The following CTNNA3 variants were observed in gnomAD, a reference collection of about 807,000 sequenced individuals.
CTNNA3 encodes the protein catenin alpha 3.
A neutral mutation model predicts 95.7 loss-of-function variants in CTNNA3; 76 were observed. That is an observed-to-expected ratio of 0.79 (90% CI 0.66 to 0.96). The LOEUF is 0.96. Ranked by LOEUF, CTNNA3 falls within the 40% of genes least tolerant of loss-of-function variation. CTNNA3 has a pLI of 0.00. For missense variants in CTNNA3, 1,191 were observed against 1,089.8 expected (o/e 1.09, Z -1.31); for synonymous variants, 431 against 374.4 (o/e 1.15, Z -1.74).
intron 3 of CTNNA3, among the ~76,000 whole-genome samples, chr10:67,544,983 C>T (rs576478858): frequency 1.8e-4 from 27 of 152,040 alleles, no homozygotes; most frequent in African/African-American, 3.1e-4. Context: ...AGTCACTGAG[C>T]GCTGCACCAT....
intron 11 of CTNNA3, among the ~76,000 whole-genome samples, chr10:66,438,566 T>C (rs1426940093): frequency 6.6e-6 from 1 of 152,072 alleles, no homozygotes; most frequent in African/African-American, 2.4e-5. Context: ...AGCTGGAGCA[T>C]CCCAGGTCAA....
chr10:66,850,602 T>C (rs10822925), intron 7 of CTNNA3, among the ~76,000 whole-genome samples: 87,616 of 151,864 alleles, frequency 0.58, 26,314 homozygotes, highest in Non-Finnish European at 0.63. Context: ...GATTTTTTTA[T>C]TTGATCAGTT....
At chr10:66,486,093 G>A (rs1026800639) in intron 11 of CTNNA3, among the ~76,000 whole-genome samples, 1 of 152,126 alleles carries the variant, frequency 6.6e-6, no homozygotes, top group African/African-American at 2.4e-5. Flanking sequence ...TTAAAGTTAG[G>A]ATCTGAAACT....
chr10:67,086,319 A>G (rs1174271503), intron 7 of CTNNA3, among the ~76,000 whole-genome samples: 1 of 152,068 alleles, frequency 6.6e-6, no homozygotes, highest in East Asian at 1.9e-4. Context: ...GCAGATGCAT[A>G]CAGAATATCA....
chr10:66,326,551 A>G (rs1045087125), intron 12 of CTNNA3, among the ~76,000 whole-genome samples: 1 of 152,152 alleles, frequency 6.6e-6, no homozygotes, highest in Non-Finnish European at 1.5e-5. Flanking sequence ...TGCATAAGTT[A>G]TAGGAAAATA....
At chr10:66,625,493 A>T (rs1844902362) in intron 9 of CTNNA3, among the ~76,000 whole-genome samples, 1 of 151,996 alleles carries the variant, frequency 6.6e-6, no homozygotes, top group Non-Finnish European at 1.5e-5. Context: ...GGCTCAAATG[A>T]TCCTCCCACC....
chr10:67,608,562 A>C (rs1313293119), intron 2 of CTNNA3, among the ~76,000 whole-genome samples: 1 of 152,230 alleles, frequency 6.6e-6, no homozygotes, highest in East Asian at 1.9e-4. Context: ...TGTGTTAATT[A>C]GCTTGATTTA....
At chr10:66,547,283 T>C (rs1842063351) in intron 10 of CTNNA3, among the ~76,000 whole-genome samples, 1 of 151,564 alleles carries the variant, frequency 6.6e-6, no homozygotes, top group South Asian at 2.1e-4. Flanking sequence ...ACAGCACTAA[T>C]GATTAACCTA....
At chr10:67,505,095 G>T (rs2133114382) in intron 5 of CTNNA3, among the ~76,000 whole-genome samples, 1 of 152,236 alleles carries the variant, frequency 6.6e-6, no homozygotes. Flanking sequence ...CAAAACTTCT[G>T]TTTATTCACA....
chr10:66,361,759 A>T (rs1247415912), intron 12 of CTNNA3, among the ~76,000 whole-genome samples: 1 of 151,844 alleles, frequency 6.6e-6, no homozygotes, highest in Non-Finnish European at 1.5e-5. Context: ...GCTGGTCTCA[A>T]ACTCCTGGGT....
At chr10:66,198,338 C>A (rs569973968) in intron 13 of CTNNA3, among the ~76,000 whole-genome samples, 1 of 152,058 alleles carries the variant, frequency 6.6e-6, no homozygotes, top group Non-Finnish European at 1.5e-5. Flanking sequence ...CTGAAACTAT[C>A]GGAAGGACAA....
chr10:66,060,997 GAAAGTTTT>G (rs1174972764), intron 15 of CTNNA3, among the ~76,000 whole-genome samples: 16 of 152,076 alleles, frequency 1.1e-4, no homozygotes, highest in African/African-American at 3.9e-4. Context: ...CTTTCCTCTA[GAAAGTTTT>G]AAATCCTTTA....
chr10:66,119,301 T>A (rs60761283), intron 13 of CTNNA3, among the ~76,000 whole-genome samples: 17,093 of 152,204 alleles, frequency 0.11, 1,352 homozygotes, highest in African/African-American at 0.22. Context: ...GTGTTCACAT[T>A]TTTCTATCAA....
At chr10:66,947,729 GA>G (rs1848345822) in intron 7 of CTNNA3, among the ~76,000 whole-genome samples, 1 of 151,638 alleles carries the variant, frequency 6.6e-6, no homozygotes, top group African/African-American at 2.4e-5. Flanking sequence ...TAAATTTAGG[GA>G]AAATACAGAT....
chr10:67,535,276 A>G (rs1019108030), intron 4 of CTNNA3, among the ~76,000 whole-genome samples: 5 of 152,164 alleles, frequency 3.3e-5, no homozygotes, highest in Non-Finnish European at 5.9e-5. Context: ...GATTGGTATT[A>G]TCTAAAAGAA....
intron 1 of CTNNA3, among the ~76,000 whole-genome samples, chr10:67,701,866 G>A (rs1325241776): frequency 1.3e-5 from 2 of 152,058 alleles, no homozygotes; most frequent in Non-Finnish European, 2.9e-5. Context: ...TCAGTGTGCT[G>A]TATTCAGGAA....
intron 7 of CTNNA3, among the ~76,000 whole-genome samples, chr10:67,042,216 C>A (rs1281607678): frequency 6.6e-6 from 1 of 152,018 alleles, no homozygotes; most frequent in African/African-American, 2.4e-5. Flanking sequence ...AGGGTAATTT[C>A]AATAGTGCAG....
intron 14 of CTNNA3, among the ~76,000 whole-genome samples, chr10:66,098,460 G>C (rs994211547): frequency 2.6e-5 from 4 of 152,168 alleles, no homozygotes; most frequent in Non-Finnish European, 4.4e-5. Context: ...TTATAAATAA[G>C]CTACCAATTT....
At chr10:66,704,051 C>T (rs1406843497) in intron 9 of CTNNA3, among the ~76,000 whole-genome samples, 2 of 152,068 alleles carry the variant, frequency 1.3e-5, no homozygotes, top group Non-Finnish European at 1.5e-5. Context: ...GCTTGTCTCC[C>T]GATTCGTATT....
Sources: allele counts gnomAD v4.1 joint callset (sites outside exome capture counted in the v4.1 genomes callset), GRCh38; gene constraint gnomAD v4.1.1; transcripts MANE v1.5; gene names NCBI Gene and HGNC (gene_info 2026-07-23, HGNC 2026-07-21).